TSC22D1: variants seen among roughly 807,000 people sequenced by gnomAD.
TSC22D1 encodes TSC22 domain family member 1, also known as TSC22 domain family protein 1.
A neutral mutation model predicts 74.2 loss-of-function variants in TSC22D1; 9 were observed. The ratio of observed to expected loss-of-function variants is 0.12; its 90% confidence interval spans 0.07 to 0.21. The LOEUF (loss-of-function observed/expected upper bound fraction) is 0.21, where lower values mean the gene tolerates loss of function less well. TSC22D1 is among the 10% of genes least tolerant of loss of function. The pLI, the probability that TSC22D1 is intolerant of heterozygous loss-of-function variation, is 1.00. For missense variants in TSC22D1, 1,427 were observed against 1,304.7 expected (o/e 1.09, Z -1.44); for synonymous variants, 586 against 492.5 (o/e 1.19, Z -2.51).
At chr13:44,517,829 G>GTATATATATATATA (rs1555269397) in intron 1 of TSC22D1, among the ~76,000 whole-genome samples, 10 of 14,130 alleles carry the variant, frequency 7.1e-4, no homozygotes, top group East Asian at 3.0e-3. Context: ...GTGTGTGTGT[G>GTATATATATATATA]TATATATATA....
chr13:44,491,220 A>C (rs1336671902), intron 1 of TSC22D1, among the ~76,000 whole-genome samples: 1 of 151,984 alleles, frequency 6.6e-6, no homozygotes, highest in Admixed American at 6.5e-5. Flanking sequence ...GGCATACCAC[A>C]AATGAGGCAA....
intron 1 of TSC22D1, among the ~76,000 whole-genome samples, chr13:44,563,286 T>C (rs1883168139): frequency 6.6e-6 from 1 of 152,176 alleles, no homozygotes; most frequent in South Asian, 2.1e-4. Flanking sequence ...GACAGGAAAG[T>C]GAATACAGTG....
rs1566189042 is a variant in TSC22D1 at position 44,575,439 on chromosome 13, A to G, written c.636T>C (p.Asn212=). The part of the protein sequence containing the change: ...PHLPQQNVVI[N]GNAHPHHLHH... Reference sequence around the variant, plus strand: ...GGAGGTGGTGTGGATGAGCATTCCCATTGATCACAACATTCTGTTGTGGAA... The same window carrying G: ...GGAGGTGGTGTGGATGAGCATTCCCGTTGATCACAACATTCTGTTGTGGAA... Residue 212 remains asparagine (N), a synonymous_variant, in exon 1 of 3, where the codon AAT becomes AAC. Coordinates refer to ENST00000458659, the MANE Select transcript of TSC22D1 (RefSeq NM_183422.4). The G allele has an allele frequency of 6.2e-7, 1 of 1,614,112 alleles. No homozygotes were observed. Among genetic ancestry groups the G allele is most frequent in the South Asian group, 1.1e-5 (1 of 91,068 alleles).
At chr13:44,465,555 G>C (rs1282480877) in intron 1 of TSC22D1, among the ~76,000 whole-genome samples, 1 of 152,166 alleles carries the variant, frequency 6.6e-6, no homozygotes, top group African/African-American at 2.4e-5. Context: ...TGTGAAGCCA[G>C]GGCTACAAAC....
chr13:44,466,503 T>A (rs1276006282), intron 1 of TSC22D1, among the ~76,000 whole-genome samples: 1 of 152,206 alleles, frequency 6.6e-6, no homozygotes, highest in Non-Finnish European at 1.5e-5. Context: ...GCATAGTGGC[T>A]CATGCCTGTA....
chr13:44,529,850 T>TA (rs1880737013), intron 1 of TSC22D1, among the ~76,000 whole-genome samples: 1 of 152,044 alleles, frequency 6.6e-6, no homozygotes, highest in African/African-American at 2.4e-5. Context: ...CACTTTGGTA[T>TA]AAATCTAACA....
chr13:44,552,917 G>A (rs1471865939), intron 1 of TSC22D1, among the ~76,000 whole-genome samples: 1 of 152,216 alleles, frequency 6.6e-6, no homozygotes, highest in African/African-American at 2.4e-5. Context: ...GAACCCGGAA[G>A]GCGAAGCTTG....
At chr13:44,538,391 T>C in intron 1 of TSC22D1, 3 of 985,318 alleles carry the variant, frequency 3.0e-6, no homozygotes, top group Non-Finnish European at 3.6e-6. Context: ...GTTCACCCTT[T>C]ATTTACTAGT....
chr13:44,529,467 C>T (rs975092987), intron 1 of TSC22D1, among the ~76,000 whole-genome samples: 2 of 152,088 alleles, frequency 1.3e-5, no homozygotes, highest in African/African-American at 2.4e-5. Context: ...GTGAACATCT[C>T]ACTTACTGTT....
At chr13:44,517,774 T>C (rs182086775) in intron 1 of TSC22D1, among the ~76,000 whole-genome samples, 1 of 120,168 alleles carries the variant, frequency 8.3e-6, no homozygotes, top group Non-Finnish European at 1.7e-5. Flanking sequence ...TATATATATA[T>C]ATACACATAT....
chr13:44,554,111 C>T (rs752369995), intron 1 of TSC22D1, among the ~76,000 whole-genome samples: 5 of 152,186 alleles, frequency 3.3e-5, no homozygotes, highest in African/African-American at 4.8e-5. Context: ...AAACAGCCAT[C>T]GATTTACAGA....
chr13:44,536,591 A>T, intron 1 of TSC22D1: 2 of 327,334 alleles, frequency 6.1e-6, no homozygotes, highest in Non-Finnish European at 8.8e-6. Context: ...TGAATTGCAT[A>T]GTTCTCTAAT....
intron 1 of TSC22D1, among the ~76,000 whole-genome samples, chr13:44,504,394 A>G (rs1879349694): frequency 6.6e-6 from 1 of 152,004 alleles, no homozygotes; most frequent in African/African-American, 2.4e-5. Flanking sequence ...AGAGAATCAC[A>G]GGAGTTCAAG....
chr13:44,554,114 T>C (rs1566171540), intron 1 of TSC22D1, among the ~76,000 whole-genome samples: 1 of 152,138 alleles, frequency 6.6e-6, no homozygotes, highest in East Asian at 1.9e-4. Flanking sequence ...CAGCCATCGA[T>C]TTACAGAACT....
chr13:44,531,559 C>T (rs920155132), intron 1 of TSC22D1, among the ~76,000 whole-genome samples: 4 of 151,688 alleles, frequency 2.6e-5, no homozygotes, highest in Non-Finnish European at 4.4e-5. Context: ...CAAAGGTACA[C>T]TTAGTAGGTA....
intron 1 of TSC22D1, chr13:44,516,364 C>T (rs760419645): frequency 2.2e-6 from 1 of 460,748 alleles, no homozygotes. Context: ...AAAACAAATT[C>T]TCTTAATAGT....
intron 1 of TSC22D1, among the ~76,000 whole-genome samples, chr13:44,461,754 G>A: frequency 6.6e-6 from 1 of 152,104 alleles, no homozygotes; most frequent in East Asian, 1.9e-4. Context: ...TGAAAACACT[G>A]CTAAGGAATC....
At chr13:44,516,202 TA>T (rs995601263) in intron 1 of TSC22D1, 352 of 268,784 alleles carry the variant, frequency 1.3e-3, no homozygotes, top group South Asian at 3.6e-3. Flanking sequence ...CCTATGCTAC[TA>T]AAAAAAAAGT....
intron 1 of TSC22D1, among the ~76,000 whole-genome samples, chr13:44,512,005 A>G (rs1468644798): frequency 6.6e-6 from 1 of 152,178 alleles, no homozygotes; most frequent in African/African-American, 2.4e-5. Context: ...ACACATTTTC[A>G]GGGCAATCGC....
Sources: gnomAD v4.1 joint callset for allele counts (sites outside exome capture counted in the v4.1 genomes callset) on GRCh38, gnomAD v4.1.1 for gene constraint, MANE v1.5 for transcripts, NCBI Gene and HGNC (gene_info 2026-07-23, HGNC 2026-07-21) for gene names.